The following ARHGAP32 variants were observed in gnomAD, a reference collection of about 807,000 sequenced individuals.
ARHGAP32 encodes rho GTPase-activating protein 32.
In ARHGAP32, 51 loss-of-function variants were observed where a neutral mutation model predicts 186.5. That is an observed-to-expected ratio of 0.27 (90% CI 0.22 to 0.35). The LOEUF is 0.35. Among genes scored for constraint, ARHGAP32 ranks in the 10% least tolerant of loss-of-function variants. The pLI, the probability that ARHGAP32 is intolerant of heterozygous loss-of-function variation, is 1.00. For synonymous variants in ARHGAP32, 950 were observed against 964.3 expected, an observed-to-expected ratio of 0.99 and a Z score of 0.27; for missense variants, 2,186 against 2,623.5, an observed-to-expected ratio of 0.83 and a Z score of 3.64.
At chr11:129,079,779 C>G (rs1433256789) in intron 6 of ARHGAP32, among the ~76,000 whole-genome samples, 1 of 152,046 alleles carries the variant, frequency 6.6e-6, no homozygotes, top group African/African-American at 2.4e-5. Context: ...TGTAAATGGC[C>G]TAAATGCTCC....
At chr11:129,162,557 A>C (rs1391665635) in intron 2 of ARHGAP32, among the ~76,000 whole-genome samples, 2 of 152,200 alleles carry the variant, frequency 1.3e-5, no homozygotes, top group African/African-American at 4.8e-5. Flanking sequence ...AACTTGAGCA[A>C]ACATTAATTC....
At chr11:129,013,391 C>T (rs1262360104) in intron 11 of ARHGAP32, among the ~76,000 whole-genome samples, 1 of 152,184 alleles carries the variant, frequency 6.6e-6, no homozygotes, top group African/African-American at 2.4e-5. Context: ...TGCCCATCTA[C>T]ATCCCAATCT....
intron 1 of ARHGAP32, among the ~76,000 whole-genome samples, chr11:129,262,409 A>T (rs1480412273): frequency 4.7e-5 from 7 of 150,226 alleles, no homozygotes; most frequent in Non-Finnish European, 5.9e-5. Flanking sequence ...TTTGAGATGG[A>T]GCCCTTGTCT....
intron 2 of ARHGAP32, among the ~76,000 whole-genome samples, chr11:129,139,813 T>G (rs1165698040): frequency 6.6e-6 from 1 of 152,152 alleles, no homozygotes; most frequent in African/African-American, 2.4e-5. Context: ...ATCAGCAGCA[T>G]GAAAACAAAC....
chr11:129,155,217 A>G (rs543483553), intron 2 of ARHGAP32, among the ~76,000 whole-genome samples: 1 of 152,352 alleles, frequency 6.6e-6, no homozygotes, highest in African/African-American at 2.4e-5. Context: ...GGCACACTAT[A>G]CAGTATCAAA....
rs188259258 is a variant in ARHGAP32 at position 129,187,958 on chromosome 11, A to T, written c.116+4125T>A. ...TTTTGTGTGGTTTTTTTGTTTGTTG[A>T]GGTTTGTTTGTTTTTGAGATGGAGT... On this transcript the variant is annotated intron_variant, in intron 1 of 22. Transcript: ENST00000682385. Among the ~76,000 whole-genome samples, 175 of 151,392 alleles carry T rather than the reference A, an allele frequency of 1.2e-3. 2 individuals are homozygous for T. The highest frequency in any genetic ancestry group is 3.2e-3 in the Admixed American group (49 of 15,160).
Position 129,011,538 on chromosome 11 carries a change from G to A in ARHGAP32, c.1046-13070C>T, listed in dbSNP as rs80089801. ...AGCCATGAGAGGGGTAGGGAGCCAC[G>A]GGACAGTGGTATGAAATGAGGCTCA... is the stretch of plus-strand genomic sequence containing the variant. On this transcript the variant is annotated intron_variant, in intron 11 of 22. Coordinates refer to ENST00000682385, the MANE Select transcript of ARHGAP32 (RefSeq NM_001378024.1). Among the ~76,000 whole-genome samples the A allele has an allele frequency of 1.3e-3, 197 of 152,248 alleles. 1 individual carries two copies. The highest frequency in any genetic ancestry group is 4.5e-3 in the African/African-American group (187 of 41,560).
intron 2 of ARHGAP32, among the ~76,000 whole-genome samples, chr11:129,151,720 G>A (rs186989898): frequency 4.6e-5 from 7 of 152,104 alleles, no homozygotes; most frequent in East Asian, 1.9e-4. Flanking sequence ...CAGCAAAAAC[G>A]GTGCAAAGAG....
intron 11 of ARHGAP32, among the ~76,000 whole-genome samples, chr11:129,007,499 T>C (rs1937848751): frequency 6.6e-6 from 1 of 151,936 alleles, no homozygotes; most frequent in Non-Finnish European, 1.5e-5. Flanking sequence ...CCCAGGTGTA[T>C]CTAGAAATGT....
intron 11 of ARHGAP32, among the ~76,000 whole-genome samples, chr11:129,030,289 CAA>C (rs1225940634): frequency 4.0e-5 from 6 of 151,836 alleles, no homozygotes; most frequent in African/African-American, 1.5e-4. Flanking sequence ...TACAAAAGAG[CAA>C]AAAGTGTTGG....
At chr11:129,063,136 G>A (rs1940568924) in intron 9 of ARHGAP32, among the ~76,000 whole-genome samples, 2 of 148,486 alleles carry the variant, frequency 1.3e-5, no homozygotes, top group African/African-American at 4.9e-5. Context: ...TAGAGCTTTA[G>A]GAATTTTTCT....
Position 129,093,715 on chromosome 11 carries a change from A to G in ARHGAP32, c.445-8T>C. The G allele has an allele frequency of 6.4e-7, 1 of 1,569,520 alleles. No individual in the cohort carries two copies. Among genetic ancestry groups the G allele is most frequent in the East Asian group, 2.3e-5 (1 of 43,838 alleles). ...TTCTTCTGAAAGTGAAAGCTACATCACAGAAAAAAAAGAAGAGGGGGAAAG... is the reference window on the plus strand; with the variant it reads ...TTCTTCTGAAAGTGAAAGCTACATCGCAGAAAAAAAAGAAGAGGGGGAAAG... On this transcript the variant is annotated splice_region_variant and splice_polypyrimidine_tract_variant and intron_variant, in intron 5 of 22. Transcript: ENST00000682385.
chr11:129,040,648 T>C (rs189490102), intron 11 of ARHGAP32, among the ~76,000 whole-genome samples: 1 of 152,332 alleles, frequency 6.6e-6, no homozygotes, highest in Non-Finnish European at 1.5e-5. Context: ...AATCATTTTA[T>C]TCATTAAGTT....
chr11:129,103,340 A>T (rs1398733381), intron 5 of ARHGAP32, among the ~76,000 whole-genome samples: 2 of 152,168 alleles, frequency 1.3e-5, no homozygotes, highest in Non-Finnish European at 2.9e-5. Context: ...GGTCAATGAA[A>T]AGTATCCACA....
chr11:129,039,124 G>A (rs529666871), intron 11 of ARHGAP32, among the ~76,000 whole-genome samples: 1 of 152,280 alleles, frequency 6.6e-6, no homozygotes, highest in East Asian at 1.9e-4. Flanking sequence ...GCAACTGGAA[G>A]TCTCATACAC....
At chr11:128,983,456 G>T (rs1467818192) in intron 15 of ARHGAP32, among the ~76,000 whole-genome samples, 1 of 149,382 alleles carries the variant, frequency 6.7e-6, no homozygotes, top group African/African-American at 2.5e-5. Flanking sequence ...AGATCACATG[G>T]ACACAAGAAG....
intron 1 of ARHGAP32, among the ~76,000 whole-genome samples, chr11:129,171,357 AG>A (rs1417748919): frequency 1.3e-5 from 2 of 152,294 alleles, no homozygotes; most frequent in South Asian, 4.1e-4. Context: ...ATAAGGTGAA[AG>A]GAAGGGGTCC....
intron 10 of ARHGAP32, among the ~76,000 whole-genome samples, chr11:129,047,359 G>C (rs763352892): frequency 1.7e-4 from 26 of 152,078 alleles, no homozygotes; most frequent in Non-Finnish European, 3.5e-4. Context: ...CAGGTCTCTA[G>C]TGTTGATATT....
chr11:129,016,840 T>C (rs1246493098), intron 11 of ARHGAP32, among the ~76,000 whole-genome samples: 2 of 152,246 alleles, frequency 1.3e-5, no homozygotes, highest in African/African-American at 2.4e-5. Flanking sequence ...TTCTTTTCCA[T>C]GAACATAATA....
Sources: allele counts gnomAD v4.1 joint callset (sites outside exome capture counted in the v4.1 genomes callset), GRCh38; gene constraint gnomAD v4.1.1; transcripts MANE v1.5; gene names NCBI Gene and HGNC (gene_info 2026-07-23, HGNC 2026-07-21).